The following GTF2F2 variants were observed in gnomAD, a reference collection of about 807,000 sequenced individuals.
GTF2F2 encodes the protein general transcription factor IIF subunit 2.
In GTF2F2, 23 loss-of-function variants were observed where a neutral mutation model predicts 42.2. The ratio of observed to expected loss-of-function variants is 0.55; its 90% CI spans 0.39 to 0.77. GTF2F2 has a LOEUF of 0.77. Ranked by LOEUF, GTF2F2 falls within the 30% of genes least tolerant of loss-of-function variation. The pLI, the probability that GTF2F2 is intolerant of heterozygous loss-of-function variation, is 0.00. For synonymous variants in GTF2F2, 105 were observed against 100.8 expected (o/e 1.04, Z -0.25); for missense variants, 261 against 287.2 (o/e 0.91, Z 0.66).
At chr13:45,184,331 A>G (rs938380242) in intron 4 of GTF2F2, among the ~76,000 whole-genome samples, 3 of 151,814 alleles carry the variant, frequency 2.0e-5, no homozygotes, top group African/African-American at 7.3e-5. Context: ...CTTTTACTTC[A>G]TTAGTAATTT....
intron 2 of GTF2F2, among the ~76,000 whole-genome samples, chr13:45,143,860 A>AT (rs1382964660): frequency 1.3e-5 from 2 of 152,194 alleles, no homozygotes; most frequent in African/African-American, 4.8e-5. Context: ...CATTTGGACC[A>AT]TTTTTATCAA....
chr13:45,206,735 G>T (rs1349637032), intron 4 of GTF2F2: 1 of 152,180 alleles, frequency 6.6e-6, no homozygotes, highest in Non-Finnish European at 1.5e-5. Flanking sequence ...TCCTTTTTCT[G>T]ATTCTCCTAG....
intron 1 of GTF2F2, among the ~76,000 whole-genome samples, chr13:45,129,045 C>T (rs183330213): frequency 6.6e-6 from 1 of 152,286 alleles, no homozygotes; most frequent in Non-Finnish European, 1.5e-5. Flanking sequence ...GTAGTTTGAT[C>T]ACAGAAAATC....
chr13:45,283,389 T>G, intron 7 of GTF2F2, 53 bp from the exon 8 acceptor site: 9 of 1,533,954 alleles, frequency 5.9e-6, no homozygotes, highest in Non-Finnish European at 8.0e-6. Context: ...TATTTTAAGT[T>G]TTGTCCCCTG....
chr13:45,126,678 C>T (rs1423157742), intron 1 of GTF2F2, among the ~76,000 whole-genome samples: 2 of 150,624 alleles, frequency 1.3e-5, no homozygotes, highest in African/African-American at 4.9e-5. Context: ...GGTATATATA[C>T]TGTGTAAACT....
intron 4 of GTF2F2, among the ~76,000 whole-genome samples, chr13:45,173,612 A>ATTTTT (rs56033747): frequency 1.9e-4 from 18 of 93,696 alleles, no homozygotes; most frequent in Non-Finnish European, 2.6e-4. Context: ...TAACTTTGTC[A>ATTTTT]TTTTTTTTTT....
intron 4 of GTF2F2, among the ~76,000 whole-genome samples, chr13:45,196,315 G>T (rs1369443508): frequency 6.6e-6 from 1 of 152,114 alleles, no homozygotes; most frequent in Non-Finnish European, 1.5e-5. Context: ...GGACTTCACA[G>T]CAAAGCCAAC....
At chr13:45,241,800 CCTT>C (rs1213042612) in intron 5 of GTF2F2, among the ~76,000 whole-genome samples, 2 of 152,084 alleles carry the variant, frequency 1.3e-5, no homozygotes, top group African/African-American at 4.8e-5. Context: ...CTTTTTTCCT[CCTT>C]ATTTATTTAT....
intron 1 of GTF2F2, among the ~76,000 whole-genome samples, chr13:45,121,499 TC>T (rs1478287802): frequency 6.6e-6 from 1 of 152,254 alleles, no homozygotes; most frequent in Non-Finnish European, 1.5e-5. Context: ...ATGGCTGAGT[TC>T]TCGTCAATTA....
chr13:45,233,421 T>C (rs983787859), intron 5 of GTF2F2, among the ~76,000 whole-genome samples: 6 of 152,216 alleles, frequency 3.9e-5, no homozygotes, highest in Non-Finnish European at 5.9e-5. Flanking sequence ...CATTCCGATA[T>C]GTATGTTTCA....
Position 45,120,535 on chromosome 13 carries a change from A to G in GTF2F2, c.-121A>G, listed in dbSNP as rs906340779. 3.4e-5 allele frequency: 24 copies of G among 696,994 alleles called. No homozygotes were observed. The highest frequency in any genetic ancestry group is 2.3e-4 in the African/African-American group (13 of 55,382). The allele number at this position is 696,994 out of a possible 1,614,324, so 43.2% of individuals were successfully genotyped here. On this transcript the variant is annotated 5_prime_UTR_variant, in exon 1 of 8. Transcript: ENST00000340473. ...CTCGGTTCCCAGTGTTCTGGCAGGT[A>G]AGGAACGCCGGCTCTTCGCCTCTCA...
intron 5 of GTF2F2, among the ~76,000 whole-genome samples, chr13:45,225,342 T>G (rs1470844007): frequency 6.6e-6 from 1 of 152,200 alleles, no homozygotes; most frequent in African/African-American, 2.4e-5. Context: ...CACTTAATGT[T>G]TTTCCTTATG....
intron 5 of GTF2F2, among the ~76,000 whole-genome samples, chr13:45,227,814 C>T (rs1375758690): frequency 6.6e-6 from 1 of 152,060 alleles, no homozygotes; most frequent in Non-Finnish European, 1.5e-5. Flanking sequence ...GAGTCCTCTG[C>T]AGTAGAGAGA....
chr13:45,199,159 C>T (rs1873050268), intron 4 of GTF2F2, among the ~76,000 whole-genome samples: 1 of 152,202 alleles, frequency 6.6e-6, no homozygotes, highest in Non-Finnish European at 1.5e-5. Context: ...GTCGTGTGAA[C>T]ATGTCATTGC....
intron 5 of GTF2F2, among the ~76,000 whole-genome samples, chr13:45,234,583 A>G (rs950731900): frequency 6.6e-6 from 1 of 152,224 alleles, no homozygotes; most frequent in African/African-American, 2.4e-5. Flanking sequence ...ATTTTATTAA[A>G]GTTATAAAAT....
intron 4 of GTF2F2, among the ~76,000 whole-genome samples, chr13:45,155,978 C>CA (rs1034270135): frequency 6.8e-6 from 1 of 148,118 alleles, no homozygotes; most frequent in East Asian, 1.9e-4. Flanking sequence ...AGATTTTCTT[C>CA]TTTTTTTTTT....
intron 4 of GTF2F2, among the ~76,000 whole-genome samples, chr13:45,175,631 CT>C (rs926469545): frequency 2.6e-5 from 4 of 151,906 alleles, no homozygotes; most frequent in Admixed American, 2.6e-4. Context: ...TTCTTTTTCT[CT>C]TTTTTTTGAG....
At chr13:45,166,620 C>T (rs1435384983) in intron 4 of GTF2F2, among the ~76,000 whole-genome samples, 2 of 152,134 alleles carry the variant, frequency 1.3e-5, no homozygotes, top group Non-Finnish European at 2.9e-5. Flanking sequence ...GAAAGAAAAT[C>T]TTGTCAATCC....
At chr13:45,259,400 T>G (rs1876237890) in intron 6 of GTF2F2, among the ~76,000 whole-genome samples, 1 of 152,012 alleles carries the variant, frequency 6.6e-6, no homozygotes, top group African/African-American at 2.4e-5. Context: ...CACTCCAGTC[T>G]GGGCAACAAG....
Sources: allele counts gnomAD v4.1 joint callset (sites outside exome capture counted in the v4.1 genomes callset), GRCh38; gene constraint gnomAD v4.1.1; transcripts MANE v1.5; gene names NCBI Gene and HGNC (gene_info 2026-07-23, HGNC 2026-07-21).